Variants in NEDD4L observed in about 807,000 individuals in gnomAD.
The protein encoded by NEDD4L is E3 ubiquitin-protein ligase NEDD4-like.
Under a neutral mutation model 148.9 loss-of-function variants are expected in NEDD4L, and 54 were observed. The ratio of observed to expected loss-of-function variants is 0.36; its 90% CI spans 0.29 to 0.45. The LOEUF (loss-of-function observed/expected upper bound fraction) is 0.45. Ranked by LOEUF, NEDD4L falls within the 20% of genes least tolerant of loss-of-function variation. The pLI, the probability that NEDD4L is intolerant of heterozygous loss-of-function variation, is 1.00. For synonymous variants in NEDD4L, 433 were observed against 440.7 expected (o/e 0.98, Z 0.22); for missense variants, 856 against 1,233.8 (o/e 0.69, Z 4.59).
chr18:58,174,372 G>A (rs1351001550), intron 2 of NEDD4L, among the ~76,000 whole-genome samples: 3 of 152,172 alleles, frequency 2.0e-5, no homozygotes, highest in South Asian at 2.1e-4. Flanking sequence ...GCTCTGGTTC[G>A]TGGGTTTCAT....
chr18:58,291,498 T>G (rs1600777831), intron 5 of NEDD4L, among the ~76,000 whole-genome samples: 5 of 152,326 alleles, frequency 3.3e-5, no homozygotes, highest in Admixed American at 2.6e-4. Context: ...ATGGACTGAT[T>G]CCATTTGTCT....
At chr18:58,273,654 A>T (rs2051408082) in intron 5 of NEDD4L, among the ~76,000 whole-genome samples, 1 of 152,208 alleles carries the variant, frequency 6.6e-6, no homozygotes, top group Non-Finnish European at 1.5e-5. Flanking sequence ...TTCATTATGC[A>T]GACACCGTGT....
rs994503907 is a variant in NEDD4L at position 58,282,553 on chromosome 18, G to A, written c.297+30499G>A. 2.0e-5 allele frequency among the ~76,000 whole-genome samples: 3 copies of A among 152,346 alleles called. No individual in the cohort carries two copies. In the East Asian group the frequency reaches 5.8e-4, roughly 29 times the overall value. On this transcript the variant is annotated intron_variant, in intron 5 of 30. Transcript: ENST00000400345. ...ACATCCACTGAATGGTTGGGTAAATGAACGAATGAATTTTGGCTTATGTCA... is the reference window on the plus strand; with the variant it reads ...ACATCCACTGAATGGTTGGGTAAATAAACGAATGAATTTTGGCTTATGTCA...
chr18:58,244,117 C>T lies in NEDD4L; in HGVS notation c.123-1310C>T, dbSNP rs2046968937. Among the ~76,000 whole-genome samples the T allele has an allele frequency of 2.0e-5, 3 of 152,146 alleles. No individual in the cohort carries two copies. The South Asian group carries it at 6.2e-4, about 32-fold the overall frequency. On this transcript the variant is annotated intron_variant, in intron 2 of 30. Coordinates refer to ENST00000400345, the MANE Select transcript of NEDD4L (RefSeq NM_001144967.3). ...TATCAAATAGAAATCAGTACAGTCTCAGCATTTTAAGATACTTGATGTAAT... is the reference window on the plus strand; with the variant it reads ...TATCAAATAGAAATCAGTACAGTCTTAGCATTTTAAGATACTTGATGTAAT...
chr18:58,106,663 G>T (rs938641611), intron 1 of NEDD4L, among the ~76,000 whole-genome samples: 1 of 152,186 alleles, frequency 6.6e-6, no homozygotes, highest in African/African-American at 2.4e-5. Context: ...TATGCAGAGT[G>T]CTAAGAACAG....
intron 27 of NEDD4L, 129 bp downstream of exon 27, chr18:58,387,627 C>A: frequency 9.3e-7 from 1 of 1,077,622 alleles, no homozygotes; most frequent in Non-Finnish European, 1.3e-6. Flanking sequence ...AATTATATTA[C>A]ATGTCTCTTA....
chr18:58,078,884 A>G (rs2083299424), intron 1 of NEDD4L, among the ~76,000 whole-genome samples: 1 of 152,138 alleles, frequency 6.6e-6, no homozygotes, highest in Admixed American at 6.5e-5. Flanking sequence ...CTGGATTGCA[A>G]TGGGCGGAAC....
intron 1 of NEDD4L, among the ~76,000 whole-genome samples, chr18:58,105,161 C>G (rs2084992077): frequency 6.6e-6 from 1 of 152,228 alleles, no homozygotes; most frequent in Non-Finnish European, 1.5e-5. Flanking sequence ...GCTGGAAGAA[C>G]CAGTGGTCTG....
intron 1 of NEDD4L, among the ~76,000 whole-genome samples, chr18:58,094,508 C>T (rs913252927): frequency 5.3e-5 from 8 of 151,412 alleles, no homozygotes; most frequent in Admixed American, 1.3e-4. Flanking sequence ...CTTACCTTTT[C>T]GCCGCCCTGG....
rs754695868 is a variant in NEDD4L at position 58,044,633 on chromosome 18, C to T, written c.-28C>T. ...GCCGCAGCACAGCCGCTGGGAGCGCCTCAGACCCCGCGCGGGGCGCCGGCT... is the reference window on the plus strand; with the variant it reads ...GCCGCAGCACAGCCGCTGGGAGCGCTTCAGACCCCGCGCGGGGCGCCGGCT... On this transcript the variant is annotated 5_prime_UTR_variant, in exon 1 of 31. Transcript: ENST00000400345. 5.6e-6 allele frequency: 9 copies of T among 1,593,420 alleles called. No homozygotes were observed. In the East Asian group the frequency reaches 9.3e-5, roughly 17 times the overall value.
At chr18:58,359,804 G>C (rs946704091) in intron 19 of NEDD4L, 3 of 152,224 alleles carry the variant, frequency 2.0e-5, no homozygotes, top group East Asian at 3.8e-4. Flanking sequence ...CAGCACCTCT[G>C]GGGGTGGGAC....
intron 1 of NEDD4L, among the ~76,000 whole-genome samples, chr18:58,113,496 T>C (rs77061346): frequency 5.9e-5 from 9 of 152,272 alleles, no homozygotes; most frequent in Non-Finnish European, 1.2e-4. Context: ...GAAAAATCTT[T>C]AGCTGAGACC....
At chr18:58,203,509 G>GC (rs942883915) in intron 2 of NEDD4L, among the ~76,000 whole-genome samples, 8 of 152,152 alleles carry the variant, frequency 5.3e-5, no homozygotes, top group African/African-American at 1.9e-4. Flanking sequence ...AGTGATGAGA[G>GC]CTAGTACACT....
At chr18:58,184,821 G>A (rs1049738565) in intron 2 of NEDD4L, among the ~76,000 whole-genome samples, 11 of 152,184 alleles carry the variant, frequency 7.2e-5, no homozygotes, top group Admixed American at 5.9e-4. Context: ...CCAGCTACTT[G>A]GGAGGCTGAA....
chr18:58,173,480 C>T (rs1349246346), intron 2 of NEDD4L, among the ~76,000 whole-genome samples: 3 of 152,182 alleles, frequency 2.0e-5, no homozygotes, highest in Non-Finnish European at 2.9e-5. Context: ...CACACATGGG[C>T]TCAAGGGTAT....
chr18:58,103,014 A>G (rs2084853059), intron 1 of NEDD4L, among the ~76,000 whole-genome samples: 1 of 151,972 alleles, frequency 6.6e-6, no homozygotes. Flanking sequence ...CGGCTGGCTT[A>G]TTATCTGTGC....
In NEDD4L at chr18:58,348,326, C is replaced by CTTTTTTTTTTTTT. The variant is rs771263533; in HGVS notation, c.1576-1200_1576-1188dup. On this transcript the variant is annotated intron_variant, in intron 16 of 30. Coordinates refer to ENST00000400345, the MANE Select transcript of NEDD4L (RefSeq NM_001144967.3). ...CACTGCATTTCTTTTTCTTTTTTTT[C>CTTTTTTTTTTTTT]TTTTTTTTTTTTTTTTTTTTTTTGA... 7.6e-4 allele frequency among the ~76,000 whole-genome samples: 67 copies of CTTTTTTTTTTTTT among 88,644 alleles called. 5 individuals are homozygous for CTTTTTTTTTTTTT. Among genetic ancestry groups the CTTTTTTTTTTTTT allele is most frequent in the African/African-American group, 1.6e-3 (29 of 18,522 alleles). The allele number at this position is 88,644 out of a possible 152,430, so 58.2% of individuals were successfully genotyped here.
intron 1 of NEDD4L, chr18:58,046,879 C>T (rs1374620227): frequency 6.6e-6 from 1 of 152,218 alleles, no homozygotes; most frequent in Non-Finnish European, 1.5e-5. Flanking sequence ...CAGCCGTCTT[C>T]CTTTTTCAAC....
intron 2 of NEDD4L, among the ~76,000 whole-genome samples, chr18:58,176,290 C>T (rs908414158): frequency 1.3e-5 from 2 of 151,960 alleles, no homozygotes; most frequent in Non-Finnish European, 2.9e-5. Context: ...CTCTCTCCTC[C>T]TCCTCCTTCC....
Sources: allele counts gnomAD v4.1 joint callset (sites outside exome capture counted in the v4.1 genomes callset), GRCh38; gene constraint gnomAD v4.1.1; transcripts MANE v1.5; gene names NCBI Gene and HGNC (gene_info 2026-07-23, HGNC 2026-07-21).